ADARB2: variants seen among roughly 807,000 people sequenced by gnomAD.
ADARB2 encodes inactive double-stranded RNA-specific editase B2.
A neutral mutation model predicts 62.2 loss-of-function variants in ADARB2; 25 were observed. That is an observed-to-expected ratio of 0.40 (90% CI 0.29 to 0.56). The LOEUF (loss-of-function observed/expected upper bound fraction) is 0.56, where lower values mean the gene tolerates loss of function less well. Ranked by LOEUF, ADARB2 falls within the 20% of genes least tolerant of loss-of-function variation. ADARB2 has a pLI of 0.43. For missense variants in ADARB2, 1,071 were observed against 1,077.4 expected, an observed-to-expected ratio of 0.99 and a Z score of 0.08; for synonymous variants, 572 against 500.8, an observed-to-expected ratio of 1.14 and a Z score of -1.90.
intron 1 of ADARB2, among the ~76,000 whole-genome samples, chr10:1,695,838 G>C (rs1834734964): frequency 6.7e-6 from 1 of 148,312 alleles, no homozygotes; most frequent in South Asian, 2.1e-4. Flanking sequence ...GCATGCATGT[G>C]TGTGTACATG....
rs141975989 is a variant in ADARB2 at position 1,268,708 on chromosome 10, GTGTT to G, written c.1192+2243_1192+2246del. Reference sequence around the variant, plus strand: ...GCACATTTCTAATTTTTTAAAATCAGTGTTTGTCTCTTTACAATAGGAAAGTAAA... The same window carrying G: ...GCACATTTCTAATTTTTTAAAATCAGTGTCTCTTTACAATAGGAAAGTAAA... On this transcript the variant is annotated intron_variant, in intron 4 of 9. Transcript: ENST00000381312. Among the ~76,000 whole-genome samples the G allele has an allele frequency of 8.6e-3, 1,316 of 152,258 alleles. 18 individuals are homozygous for G. Among genetic ancestry groups the G allele is most frequent in the African/African-American group, 0.03 (1,255 of 41,534 alleles).
At chr10:1,691,181 A>G (rs888183192) in intron 1 of ADARB2, among the ~76,000 whole-genome samples, 2 of 152,136 alleles carry the variant, frequency 1.3e-5, no homozygotes, top group African/African-American at 4.8e-5. Flanking sequence ...CCTGATAAGA[A>G]GAGGAGATTG....
rs1832856200 is a variant in ADARB2 at position 1,422,007 on chromosome 10, A to G, written c.101-42847T>C. ...CTCTAGTGGCAGAGTGGCAGGCTTG[A>G]GGTGCCTGCATCTGAAAGCTGCTGT... On this transcript the variant is annotated intron_variant, in intron 1 of 9. Coordinates refer to ENST00000381312, the MANE Select transcript of ADARB2 (RefSeq NM_018702.4). Among the ~76,000 whole-genome samples the G allele has an allele frequency of 2.6e-5, 4 of 152,178 alleles. No individual in the cohort carries two copies. In the South Asian group the frequency reaches 8.3e-4, roughly 32 times the overall value.
intron 1 of ADARB2, among the ~76,000 whole-genome samples, chr10:1,385,009 G>A (rs779146416): frequency 1.8e-4 from 27 of 152,146 alleles, no homozygotes; most frequent in Non-Finnish European, 3.1e-4. Context: ...CATGTTTTAG[G>A]ACTAGGAATA....
At chr10:1,510,110 C>CCCTTTCTTTCTTTCTT (rs1831908330) in intron 1 of ADARB2, among the ~76,000 whole-genome samples, 1 of 106,184 alleles carries the variant, frequency 9.4e-6, no homozygotes, top group Non-Finnish European at 1.9e-5. Context: ...CTTTCTTTCT[C>CCCTTTCTTTCTTTCTT]TCTTTCTTTC....
At chr10:1,545,940 T>C (rs1053120839) in intron 1 of ADARB2, among the ~76,000 whole-genome samples, 9 of 152,170 alleles carry the variant, frequency 5.9e-5, no homozygotes, top group African/African-American at 2.2e-4. Flanking sequence ...TGGACCCTTC[T>C]GGTCTTAAAG....
intron 7 of ADARB2, among the ~76,000 whole-genome samples, chr10:1,203,271 A>C (rs1316901207): frequency 6.6e-6 from 1 of 152,206 alleles, no homozygotes; most frequent in Non-Finnish European, 1.5e-5. Flanking sequence ...GCCATTCTTT[A>C]GCCAGGAGAT....
rs1208835937 is a variant in ADARB2, at chr10:1,394,567, C to T, written c.101-15407G>A. Among the ~76,000 whole-genome samples, 3 of 152,136 alleles carry T rather than the reference C, an allele frequency of 2.0e-5. No homozygotes were observed. In the East Asian group the frequency reaches 5.8e-4, roughly 29 times the overall value. On this transcript the variant is annotated intron_variant, in intron 1 of 9. Transcript: ENST00000381312. ...TCTTGAGTGGATGTTGTGCAAAGGC[C>T]CAGGAGGGGAGAGGGAGTGACCTCG...
intron 1 of ADARB2, among the ~76,000 whole-genome samples, chr10:1,603,436 T>A (rs572715572): frequency 6.6e-6 from 1 of 152,286 alleles, no homozygotes; most frequent in Admixed American, 6.5e-5. Flanking sequence ...TGGACAGAGA[T>A]GAGGATCACA....
intron 3 of ADARB2, among the ~76,000 whole-genome samples, chr10:1,282,033 C>T (rs948847401): frequency 2.0e-5 from 3 of 152,184 alleles, no homozygotes; most frequent in South Asian, 2.1e-4. Flanking sequence ...TTTCCCATGA[C>T]GGCTTCAGCA....
intron 1 of ADARB2, among the ~76,000 whole-genome samples, chr10:1,716,967 CTAGAGAGCAT>C (rs1734716141): frequency 6.6e-6 from 1 of 152,110 alleles, no homozygotes; most frequent in South Asian, 2.1e-4. Context: ...CCTAAAATTC[CTAGAGAGCAT>C]TAGAGAGCAT....
At chr10:1,276,339 C>T (rs1182460023) in intron 3 of ADARB2, among the ~76,000 whole-genome samples, 5 of 152,234 alleles carry the variant, frequency 3.3e-5, no homozygotes, top group African/African-American at 1.2e-4. Flanking sequence ...CCTTCGCCCA[C>T]TTTTTGATGG....
chr10:1,443,158 C>G (rs1338344762), intron 1 of ADARB2, among the ~76,000 whole-genome samples: 1 of 152,180 alleles, frequency 6.6e-6, no homozygotes, highest in Admixed American at 6.5e-5. Flanking sequence ...AATTTTTCCT[C>G]TAAGTAGGCA....
At chr10:1,525,854 T>C (rs533655499) in intron 1 of ADARB2, among the ~76,000 whole-genome samples, 2 of 152,104 alleles carry the variant, frequency 1.3e-5, no homozygotes, top group South Asian at 2.1e-4. Context: ...CTTGTGTGTG[T>C]GCGCGTGTCT....
At chr10:1,570,798 G>A (rs1467583822) in intron 1 of ADARB2, among the ~76,000 whole-genome samples, 3 of 152,192 alleles carry the variant, frequency 2.0e-5, no homozygotes, top group Non-Finnish European at 4.4e-5. Flanking sequence ...ACAGGGGGGC[G>A]CTGGACCTGA....
intron 4 of ADARB2, among the ~76,000 whole-genome samples, chr10:1,249,902 T>C (rs1831021390): frequency 6.6e-6 from 1 of 151,168 alleles, no homozygotes; most frequent in Non-Finnish European, 1.5e-5. Flanking sequence ...TATACAGAAG[T>C]CAATAACTTT....
At chr10:1,301,363 G>T (rs35620030) in intron 3 of ADARB2, among the ~76,000 whole-genome samples, 70,712 of 152,026 alleles carry the variant, frequency 0.47, 17,961 homozygotes, top group East Asian at 0.81. Context: ...CAACAGAGGG[G>T]GATAGCAGCC....
chr10:1,526,790 G>GCCTC (rs771311548), intron 1 of ADARB2: 24 of 504,216 alleles, frequency 4.8e-5, no homozygotes, highest in Non-Finnish European at 9.1e-5. Flanking sequence ...AGCTGTTCCC[G>GCCTC]CCTCCTCCTG....
chr10:1,330,591 C>T (rs1203356670), intron 3 of ADARB2, among the ~76,000 whole-genome samples: 1 of 152,184 alleles, frequency 6.6e-6, no homozygotes, highest in African/African-American at 2.4e-5. Context: ...CTCACCAGTG[C>T]TGATGGTTCT....
Sources: gnomAD v4.1 joint callset for allele counts (sites outside exome capture counted in the v4.1 genomes callset) on GRCh38, gnomAD v4.1.1 for gene constraint, MANE v1.5 for transcripts, NCBI Gene and HGNC (gene_info 2026-07-23, HGNC 2026-07-21) for gene names.